Variants in ZNF704 observed in about 807,000 individuals in gnomAD.
ZNF704 encodes glucocorticoid induced gene 1.
In ZNF704, 10 loss-of-function variants were observed where a neutral mutation model predicts 44.7. That is an observed-to-expected ratio of 0.22 (90% CI 0.14 to 0.38). The LOEUF is 0.38. Ranked by LOEUF, ZNF704 falls within the 10% of genes least tolerant of loss-of-function variation. The pLI, the probability that ZNF704 is intolerant of heterozygous loss-of-function variation, is 1.00. For synonymous variants in ZNF704, 211 were observed against 207.6 expected (o/e 1.02, Z -0.14); for missense variants, 390 against 545.5 (o/e 0.71, Z 2.84).
chr8:80,664,650 C>G (rs895992712), intron 6 of ZNF704, among the ~76,000 whole-genome samples, 165 bp downstream of exon 6: 5 of 152,300 alleles, frequency 3.3e-5, no homozygotes, highest in Admixed American at 6.5e-5. Context: ...ACCATAGGAC[C>G]CTATCTGTGT....
At chr8:80,810,327 GAA>G (rs1449772322) in intron 2 of ZNF704, among the ~76,000 whole-genome samples, 1 of 152,014 alleles carries the variant, frequency 6.6e-6, no homozygotes, top group Non-Finnish European at 1.5e-5. Context: ...ATAGGAGAGA[GAA>G]AAAAGGTTAA....
intron 2 of ZNF704, among the ~76,000 whole-genome samples, chr8:80,778,893 A>T (rs765822450): frequency 3.9e-5 from 6 of 152,176 alleles, no homozygotes; most frequent in Non-Finnish European, 7.3e-5. Context: ...AGCAGAAAAG[A>T]TAACTATTGA....
chr8:80,655,466 C>T (rs1817999780), intron 7 of ZNF704, among the ~76,000 whole-genome samples: 1 of 152,030 alleles, frequency 6.6e-6, no homozygotes, highest in Non-Finnish European at 1.5e-5. Flanking sequence ...AGGAATCAAT[C>T]CTAAATAGGG....
chr8:80,806,998 T>C (rs1324006446), intron 2 of ZNF704, among the ~76,000 whole-genome samples: 1 of 152,232 alleles, frequency 6.6e-6, no homozygotes, highest in Non-Finnish European at 1.5e-5. Context: ...TTGCTACATA[T>C]GCAGGAGCAA....
intron 2 of ZNF704, among the ~76,000 whole-genome samples, chr8:80,752,092 A>G (rs565300538): frequency 1.3e-5 from 2 of 152,142 alleles, no homozygotes; most frequent in Non-Finnish European, 2.9e-5. Context: ...TTATTGAGTT[A>G]ATGGTCTCTT....
intron 2 of ZNF704, among the ~76,000 whole-genome samples, chr8:80,776,395 A>G (rs2129683382): frequency 6.6e-6 from 1 of 152,332 alleles, no homozygotes; most frequent in Non-Finnish European, 1.5e-5. Flanking sequence ...TTTAAAGGCA[A>G]TTTTAAGTTG....
the ZNF704 span, among the ~76,000 whole-genome samples, chr8:80,882,459 CAG>C: frequency 5.9e-5 from 9 of 152,198 alleles, no homozygotes; most frequent in Non-Finnish European, 8.8e-5. Context: ...CTGATAGAAT[CAG>C]AGTTTTTCAT....
Position 80,639,792 on chromosome 8 carries a change from A to G in ZNF704, c.*1574T>C, listed in dbSNP as rs1585913780. On this transcript the variant is annotated 3_prime_UTR_variant, in exon 9 of 9. Coordinates refer to ENST00000327835, the MANE Select transcript of ZNF704 (RefSeq NM_001033723.3). ...AAGTGTATGTATAATCTCTAGACAT[A>G]TATTAAACTTTCCTCTGTGCAATTT... The G allele has an allele frequency of 6.6e-6, 1 of 152,636 alleles. No individual in the cohort carries two copies. The highest frequency in any genetic ancestry group is 1.5e-5 in the Non-Finnish European group (1 of 68,046). The allele number at this position is 152,636 out of a possible 1,614,324, so 9.5% of individuals were successfully genotyped here. A position where few individuals can be genotyped will look rare whatever the true frequency, so the allele number is the denominator to read the frequency against.
intron 2 of ZNF704, among the ~76,000 whole-genome samples, chr8:80,719,116 C>T (rs1819122277): frequency 6.6e-6 from 1 of 152,066 alleles, no homozygotes; most frequent in African/African-American, 2.4e-5. Context: ...CAGGTACGTG[C>T]CACCATGACC....
chr8:80,721,190 T>C (rs911946735), intron 2 of ZNF704, among the ~76,000 whole-genome samples: 23 of 152,208 alleles, frequency 1.5e-4, no homozygotes, highest in African/African-American at 5.1e-4. Context: ...TGAACTGTAG[T>C]AGATGTTTGA....
intron 2 of ZNF704, among the ~76,000 whole-genome samples, chr8:80,713,407 T>C (rs1819023731): frequency 6.6e-6 from 1 of 152,244 alleles, no homozygotes; most frequent in Non-Finnish European, 1.5e-5. Context: ...ATAGATTTCA[T>C]CTTTATTCCT....
intron 2 of ZNF704, among the ~76,000 whole-genome samples, chr8:80,708,889 T>G (rs571601239): frequency 6.6e-6 from 1 of 152,232 alleles, no homozygotes; most frequent in African/African-American, 2.4e-5. Flanking sequence ...AAAATCAACT[T>G]TCCACATACT....
chr8:80,832,911 T>C (rs1432964632), intron 1 of ZNF704, among the ~76,000 whole-genome samples: 1 of 152,206 alleles, frequency 6.6e-6, no homozygotes, highest in Non-Finnish European at 1.5e-5. Context: ...ATAAGACACA[T>C]TACTATTTGG....
At position 80,848,114 on chromosome 8, in the gene ZNF704, T is replaced by C. The variant is rs142587347; in HGVS notation, c.-22+26457A>G. Among the ~76,000 whole-genome samples the C allele has an allele frequency of 8.1e-3, 1,239 of 152,314 alleles. 14 individuals are homozygous for C. The highest frequency in any genetic ancestry group is 0.028 in the African/African-American group (1,145 of 41,560). On this transcript the variant is annotated intron_variant, in intron 1 of 8. Coordinates refer to ENST00000327835, the MANE Select transcript of ZNF704 (RefSeq NM_001033723.3). ...AGCTGGATGAATCTCAAAGGAATTA[T>C]GGGGCATGAAAACAGCCAATCTCAA...
At chr8:80,652,384 T>G (rs986272956) in intron 7 of ZNF704, among the ~76,000 whole-genome samples, 1 of 152,192 alleles carries the variant, frequency 6.6e-6, no homozygotes, top group African/African-American at 2.4e-5. Flanking sequence ...CAGGAGCTGT[T>G]TTTTTTAAAA....
At chr8:80,881,791 G>C in the ZNF704 span, among the ~76,000 whole-genome samples, 2 of 152,134 alleles carry the variant, frequency 1.3e-5, no homozygotes. Flanking sequence ...AGCCGGGCAT[G>C]GTGGTGGGCA....
At chr8:80,659,962 T>C (rs902956313) in intron 6 of ZNF704, among the ~76,000 whole-genome samples, 8 of 152,308 alleles carry the variant, frequency 5.3e-5, no homozygotes, top group Non-Finnish European at 5.9e-5. Flanking sequence ...CATATACCTA[T>C]TTTAGGATAC....
At chr8:80,794,189 G>T (rs192171647) in intron 2 of ZNF704, among the ~76,000 whole-genome samples, 194 of 152,272 alleles carry the variant, frequency 1.3e-3, no homozygotes, top group Non-Finnish European at 2.2e-3. Flanking sequence ...TAGAGGAAGA[G>T]AAATTTGTTA....
chr8:80,879,815 T>C, the ZNF704 span, among the ~76,000 whole-genome samples: 1 of 152,206 alleles, frequency 6.6e-6, no homozygotes, highest in Non-Finnish European at 1.5e-5. Flanking sequence ...TTCCTACTAA[T>C]GATATTTTCA....
Sources: gnomAD v4.1 joint callset for allele counts (sites outside exome capture counted in the v4.1 genomes callset) on GRCh38, gnomAD v4.1.1 for gene constraint, MANE v1.5 for transcripts, NCBI Gene and HGNC (gene_info 2026-07-23, HGNC 2026-07-21) for gene names.